The following DEPTOR variants were observed in gnomAD, a reference collection of about 807,000 sequenced individuals.
DEPTOR encodes DEP domain containing MTOR interacting protein.
In DEPTOR, 41 loss-of-function variants were observed where a neutral mutation model predicts 41.6. The ratio of observed to expected loss-of-function variants is 0.98; its 90% CI spans 0.77 to 1.28. The LOEUF is 1.28. DEPTOR is among the 50% of genes most tolerant of loss of function. The probability of loss-of-function intolerance (pLI) is 0.00; values close to 1 mark genes in which losing one functional copy is unlikely to be tolerated. For synonymous variants in DEPTOR, 195 were observed against 192.3 expected, an observed-to-expected ratio of 1.01 and a Z score of -0.12; for missense variants, 514 against 527.9, an observed-to-expected ratio of 0.97 and a Z score of 0.26.
chr8:119,957,940 A>G (rs550167814), intron 3 of DEPTOR, among the ~76,000 whole-genome samples: 1 of 152,072 alleles, frequency 6.6e-6, no homozygotes, highest in South Asian at 2.1e-4. Flanking sequence ...GCTTTATTCT[A>G]TTCAGTTTAT....
intron 1 of DEPTOR, among the ~76,000 whole-genome samples, chr8:119,899,978 A>G (rs543248528): frequency 6.6e-6 from 1 of 152,262 alleles, no homozygotes; most frequent in African/African-American, 2.4e-5. Context: ...CATAATTAAC[A>G]CAGAGATTAG....
chr8:119,894,240 T>C (rs954036512), intron 1 of DEPTOR, among the ~76,000 whole-genome samples: 3 of 151,792 alleles, frequency 2.0e-5, no homozygotes, highest in Non-Finnish European at 4.4e-5. Flanking sequence ...AATTTGTTGT[T>C]GTTGTTCTTG....
intron 4 of DEPTOR, among the ~76,000 whole-genome samples, chr8:119,994,061 C>A (rs1586649278): frequency 6.6e-6 from 1 of 151,538 alleles, no homozygotes; most frequent in East Asian, 1.9e-4. Context: ...GAGGCTGACG[C>A]AGGAGGTGGA....
chr8:119,960,213 G>C (rs1828472278), intron 3 of DEPTOR, among the ~76,000 whole-genome samples: 1 of 150,296 alleles, frequency 6.7e-6, no homozygotes, highest in Non-Finnish European at 1.5e-5. Context: ...AACAGGGCAA[G>C]ACTCCCTCTC....
rs11986039 is a variant in DEPTOR at position 120,000,627 on chromosome 8, G to A, written c.605-898G>A. Among the ~76,000 whole-genome samples, 104 of 151,646 alleles carry A rather than the reference G, an allele frequency of 6.9e-4. 1 individual carries two copies. The East Asian group carries it at 0.011, about 17-fold the overall frequency. The stretch of plus-strand genomic sequence containing the variant: ...ACAGGTGTATGCCACCACACCTGGC[G>A]AATTATTGTATTTTTAGTAGAGACG... On this transcript the variant is annotated intron_variant, in intron 4 of 8. Coordinates refer to ENST00000286234, the MANE Select transcript of DEPTOR (RefSeq NM_022783.4).
In DEPTOR at chr8:119,918,077, A is replaced by G. The variant is rs185647122; in HGVS notation, c.123-10323A>G. On this transcript the variant is annotated intron_variant, in intron 1 of 8. Transcript: ENST00000286234. ...CATCCCCCTCTCCGAGGAACACCCA[A>G]TAATGATCAATAAATACTAAGGGAA... 3.3e-4 allele frequency among the ~76,000 whole-genome samples: 51 copies of G among 152,330 alleles called. No individual in the cohort carries two copies. The East Asian group carries it at 7.5e-3, about 22-fold the overall frequency.
At chr8:120,036,947 T>C (rs940657725) in intron 8 of DEPTOR, among the ~76,000 whole-genome samples, 3 of 152,236 alleles carry the variant, frequency 2.0e-5, no homozygotes, top group Admixed American at 1.3e-4. Context: ...TTCTCTTAGA[T>C]TGAAGCAAAT....
At chr8:119,981,496 A>G (rs1586643279) in intron 4 of DEPTOR, among the ~76,000 whole-genome samples, 1 of 152,100 alleles carries the variant, frequency 6.6e-6, no homozygotes, top group East Asian at 1.9e-4. Context: ...TCTCTACAAA[A>G]TATCAAAATA....
rs912683957 is a variant in DEPTOR, at chr8:119,874,853, G to T, written c.122+885G>T. On this transcript the variant is annotated intron_variant, in intron 1 of 8. Transcript: ENST00000286234. ...TGGTTCTGCAGCTGCCCTTCGTGTGGTTATAAATCAGTTTGCCAGGAAAAA... is the reference window on the plus strand; with the variant it reads ...TGGTTCTGCAGCTGCCCTTCGTGTGTTTATAAATCAGTTTGCCAGGAAAAA... Among the ~76,000 whole-genome samples the T allele has an allele frequency of 8.5e-5, 13 of 152,246 alleles. No individual in the cohort carries two copies. In the East Asian group the frequency reaches 2.5e-3, roughly 29 times the overall value.
chr8:119,934,132 C>G (rs557417777), intron 3 of DEPTOR, among the ~76,000 whole-genome samples: 1 of 152,144 alleles, frequency 6.6e-6, no homozygotes, highest in African/African-American at 2.4e-5. Flanking sequence ...CTGTCCGCCT[C>G]GGACTCCCAA....
At chr8:119,903,312 G>A (rs1827619543) in intron 1 of DEPTOR, among the ~76,000 whole-genome samples, 1 of 152,204 alleles carries the variant, frequency 6.6e-6, no homozygotes, top group South Asian at 2.1e-4. Context: ...TAGCCAGGCT[G>A]GTCTCAAACT....
intron 4 of DEPTOR, among the ~76,000 whole-genome samples, chr8:119,975,616 G>T (rs567434611): frequency 1.2e-4 from 19 of 152,252 alleles, no homozygotes; most frequent in African/African-American, 4.3e-4. Flanking sequence ...GGTATCAAGG[G>T]TGAGGGATTT....
chr8:119,895,575 A>G (rs1827510011), intron 1 of DEPTOR, among the ~76,000 whole-genome samples: 1 of 152,164 alleles, frequency 6.6e-6, no homozygotes, highest in Non-Finnish European at 1.5e-5. Context: ...TTTCTGGAGG[A>G]CAAGTATTTT....
intron 4 of DEPTOR, among the ~76,000 whole-genome samples, chr8:120,001,016 G>A (rs1812340237): frequency 6.6e-6 from 1 of 151,796 alleles, no homozygotes; most frequent in South Asian, 2.1e-4. Flanking sequence ...GGCGGAGGTT[G>A]CAGTGAGCCG....
rs1384341239 is a variant in DEPTOR, at chr8:120,001,770, C to T, written c.790+60C>T. The stretch of plus-strand genomic sequence containing the variant: ...TTTGTCTTTTGAGAAATAGTGGAGC[C>T]ATGACTCACCTTTGTGAAATTCTGT... On this transcript the variant is annotated intron_variant, in intron 5 of 8. Coordinates refer to ENST00000286234, the MANE Select transcript of DEPTOR (RefSeq NM_022783.4). 1.8e-5 allele frequency: 27 copies of T among 1,520,630 alleles called. No individual in the cohort carries two copies. The East Asian group carries it at 6.2e-4, about 35-fold the overall frequency. The allele number at this position is 1,520,630 out of a possible 1,614,324, so 94.2% of individuals were successfully genotyped here. A position where few individuals can be genotyped will look rare whatever the true frequency, so the allele number is the denominator to read the frequency against.
chr8:119,965,442 AC>A (rs1828547412), intron 4 of DEPTOR, 32 bp downstream of exon 4: 1 of 1,598,516 alleles, frequency 6.3e-7, no homozygotes, highest in Non-Finnish European at 8.5e-7. Flanking sequence ...TGCTGCAGGA[AC>A]AAACAGCCAG....
chr8:120,047,475 C>T (rs1813169091), intron 8 of DEPTOR, among the ~76,000 whole-genome samples: 1 of 152,034 alleles, frequency 6.6e-6, no homozygotes, highest in Non-Finnish European at 1.5e-5. Context: ...TCAAGTGATT[C>T]TTCTGCCTCA....
intron 1 of DEPTOR, among the ~76,000 whole-genome samples, chr8:119,901,974 A>C (rs1827599621): frequency 6.7e-6 from 1 of 150,264 alleles, no homozygotes; most frequent in Non-Finnish European, 1.5e-5. Flanking sequence ...TTTTTGTGCT[A>C]AGTGTCTGTG....
At position 119,942,304 on chromosome 8, in the gene DEPTOR, C is replaced by T. The variant is rs144614200; in HGVS notation, c.425+12366C>T. Among the ~76,000 whole-genome samples, 5 of 152,306 alleles carry T rather than the reference C, an allele frequency of 3.3e-5. No homozygotes were observed. The East Asian group carries it at 9.7e-4, about 29-fold the overall frequency. ...TGCAATCTCCACCTCCTGGTGAGTT[C>T]GAGCAATTCTCCTGTCTCAACCTTG... On this transcript the variant is annotated intron_variant, in intron 3 of 8. Transcript: ENST00000286234.
Sources: allele counts gnomAD v4.1 joint callset (sites outside exome capture counted in the v4.1 genomes callset), GRCh38; gene constraint gnomAD v4.1.1; transcripts MANE v1.5; gene names NCBI Gene and HGNC (gene_info 2026-07-23, HGNC 2026-07-21).